Variants in RGS7 observed in about 807,000 individuals in gnomAD.
The protein encoded by RGS7 is regulator of G protein signaling 7, also known as regulator of G-protein signaling 7.
A neutral mutation model predicts 81.1 loss-of-function variants in RGS7; 27 were observed. The observed-to-expected ratio is 0.33, with a 90% CI of 0.25 to 0.46. The LOEUF (loss-of-function observed/expected upper bound fraction) is 0.46, where lower values mean the gene tolerates loss of function less well. Among genes scored for constraint, RGS7 ranks in the 20% least tolerant of loss-of-function variants. RGS7 has a pLI of 1.00. For synonymous variants in RGS7, 208 were observed against 207.7 expected, an observed-to-expected ratio of 1.00 and a Z score of -0.01; for missense variants, 396 against 607.4, an observed-to-expected ratio of 0.65 and a Z score of 3.66.
chr1:240,800,829 A>G lies in RGS7; in HGVS notation c.1414-108T>C, dbSNP rs147756997. 1.8e-3 allele frequency: 1,002 copies of G among 549,716 alleles called. 24 individuals are homozygous for G. The South Asian group carries it at 0.022, about 12-fold the overall frequency. 34.1% of individuals were successfully genotyped at this position (549,716 alleles called of 1,614,324 possible). On this transcript the variant is annotated intron_variant, in intron 17 of 18. Transcript: ENST00000440928. The stretch of plus-strand genomic sequence containing the variant: ...AAAAGAATCTTACAAACAAATATAT[A>G]TCATCAAAACACATGGCAAGATACT...
intron 9 of RGS7, among the ~76,000 whole-genome samples, chr1:240,856,507 T>C (rs1027235719): frequency 6.6e-6 from 1 of 152,134 alleles, no homozygotes; most frequent in Non-Finnish European, 1.5e-5. Context: ...ATCAAAGAAA[T>C]GTACCACTTT....
intron 2 of RGS7, among the ~76,000 whole-genome samples, chr1:241,205,302 G>A (rs1043317308): frequency 2.0e-5 from 3 of 148,964 alleles, no homozygotes; most frequent in East Asian, 2.0e-4. Context: ...GGATGGTCTC[G>A]ATCTCTTGAC....
In RGS7 at chr1:241,344,894, G is replaced by C. The variant is rs374136274; in HGVS notation, c.78+10805C>G. Among the ~76,000 whole-genome samples the C allele has an allele frequency of 1.5e-3, 231 of 152,276 alleles. 2 individuals carry two copies. The highest frequency in any genetic ancestry group is 3.4e-3 in the Middle Eastern group (1 of 294). On this transcript the variant is annotated intron_variant, in intron 2 of 18. Transcript: ENST00000440928. Reference sequence around the variant, plus strand: ...ACTGTGCTAGGCACTCAGATTCGCAGAGGAATATAAATTATTCGATTATGA... The same window carrying C: ...ACTGTGCTAGGCACTCAGATTCGCACAGGAATATAAATTATTCGATTATGA...
intron 3 of RGS7, among the ~76,000 whole-genome samples, chr1:241,085,385 T>A (rs188101785): frequency 5.3e-5 from 8 of 152,234 alleles, no homozygotes; most frequent in African/African-American, 1.7e-4. Flanking sequence ...GGTTTTAAGC[T>A]TGTACATCAT....
chr1:240,806,460 G>C lies in RGS7; in HGVS notation c.1083-134C>G, dbSNP rs888361780. ...TTTCTCTGAGGGCTTCCAGTATCAG[G>C]GTGGTACTGACTGTGTTCAAAGGAT... is the stretch of plus-strand genomic sequence containing the variant. On this transcript the variant is annotated intron_variant, in intron 14 of 18. Transcript: ENST00000440928. The C allele has an allele frequency of 4.3e-5, 33 of 771,898 alleles. No homozygotes were observed. The African/African-American group carries it at 5.0e-4, about 12-fold the overall frequency. The allele number at this position is 771,898 out of a possible 1,614,324, so 47.8% of individuals were successfully genotyped here. A position where few individuals can be genotyped will look rare whatever the true frequency, so the allele number is the denominator to read the frequency against.
chr1:241,011,012 G>A (rs192915031), intron 3 of RGS7, among the ~76,000 whole-genome samples: 42 of 152,192 alleles, frequency 2.8e-4, no homozygotes, highest in South Asian at 1.2e-3. Context: ...CTCTAACCAA[G>A]ACTATATGTG....
intron 3 of RGS7, among the ~76,000 whole-genome samples, chr1:241,008,252 A>G (rs1305342222): frequency 6.6e-6 from 1 of 152,218 alleles, no homozygotes; most frequent in African/African-American, 2.4e-5. Context: ...AAGAGTTTCT[A>G]TATATAGCAA....
At chr1:241,356,398 C>CT (rs1313403666) in intron 1 of RGS7, among the ~76,000 whole-genome samples, 1 of 152,218 alleles carries the variant, frequency 6.6e-6, no homozygotes, top group Non-Finnish European at 1.5e-5. Context: ...CTACTTTCAC[C>CT]TGCCTGCGCT....
chr1:241,120,209 C>T (rs1053277390), intron 2 of RGS7, among the ~76,000 whole-genome samples: 1 of 152,192 alleles, frequency 6.6e-6, no homozygotes, highest in Admixed American at 6.5e-5. Context: ...GCATTGCCTG[C>T]CTACCTGGTT....
intron 2 of RGS7, among the ~76,000 whole-genome samples, chr1:241,134,987 A>G (rs1290332368): frequency 2.7e-5 from 4 of 150,568 alleles, no homozygotes; most frequent in Non-Finnish European, 4.4e-5. Context: ...GAAGATGGAG[A>G]AGGAGGCCGT....
intron 2 of RGS7, among the ~76,000 whole-genome samples, chr1:241,171,499 T>C (rs933607630): frequency 9.9e-5 from 15 of 152,234 alleles, no homozygotes; most frequent in Non-Finnish European, 1.9e-4. Flanking sequence ...TGAGCATTCA[T>C]ATGACCCACG....
intron 2 of RGS7, among the ~76,000 whole-genome samples, chr1:241,118,416 C>T (rs2066018718): frequency 6.6e-6 from 1 of 152,182 alleles, no homozygotes; most frequent in Non-Finnish European, 1.5e-5. Context: ...CAACTTTACA[C>T]TTTTAAAAAT....
chr1:241,273,926 C>T (rs2078057863), intron 2 of RGS7, among the ~76,000 whole-genome samples: 1 of 152,100 alleles, frequency 6.6e-6, no homozygotes, highest in Admixed American at 6.5e-5. Context: ...GTCTGGAGCT[C>T]CTTGAGATTC....
In RGS7 at chr1:240,806,286, T is replaced by C; in HGVS notation, c.1123A>G (p.Lys375Glu). 1.2e-6 allele frequency: 2 copies of C among 1,614,002 alleles called. No homozygotes were observed. Among genetic ancestry groups the C allele is most frequent in the African/African-American group, 1.3e-5 (1 of 75,000 alleles). ...AVEDLKKRPI[K>E]EVPSRVQEIW... ...TCCTGAACTCTTGAGGGTACTTCTT[T>C]AATAGGCCTCTTTTTCAGGTCCTCC... Residue 375 changes from lysine (K) to glutamate (E), a missense_variant, in exon 15 of 19, where the codon AAA (lysine) becomes GAA (glutamate). Lys to Glu is a moderately conservative substitution (Grantham distance 56). Transcript: ENST00000440928.
rs1215517738 is a variant in RGS7 at position 241,163,086 on chromosome 1, C to G, written c.79-64324G>C. ...CAGATATGAGCAGTGTCAGATTAAG[C>G]AGAGACAGGCTCCGTGGCCAGGAAG... On this transcript the variant is annotated intron_variant, in intron 2 of 18. Coordinates refer to ENST00000440928, the MANE Select transcript of RGS7 (RefSeq NM_001364886.1). The surrounding 1 kb of genome is among the most constrained non-coding windows in gnomAD (Gnocchi z 4.6). Among the ~76,000 whole-genome samples the G allele has an allele frequency of 6.6e-6, 1 of 152,146 alleles. No individual in the cohort carries two copies. The highest frequency in any genetic ancestry group is 6.5e-5 in the Admixed American group (1 of 15,276).
At chr1:241,215,733 C>T (rs2074510253) in intron 2 of RGS7, among the ~76,000 whole-genome samples, 2 of 152,148 alleles carry the variant, frequency 1.3e-5, no homozygotes, top group South Asian at 4.1e-4. Flanking sequence ...AATGTCATTC[C>T]CTTGTTTGAA....
intron 2 of RGS7, among the ~76,000 whole-genome samples, chr1:241,306,878 A>G (rs1266993946): frequency 3.9e-5 from 6 of 152,218 alleles, no homozygotes; most frequent in Non-Finnish European, 8.8e-5. Flanking sequence ...TTGGAACAGA[A>G]GCGGTTAACT....
intron 2 of RGS7, among the ~76,000 whole-genome samples, chr1:241,343,261 C>CAAA (rs35447784): frequency 3.7e-5 from 5 of 136,704 alleles, no homozygotes; most frequent in African/African-American, 8.2e-5. Context: ...GACTGTGTCT[C>CAAA]AAAAAAAAAA....
At chr1:241,099,366 A>AC (rs1214176219) in intron 2 of RGS7, among the ~76,000 whole-genome samples, 1 of 152,058 alleles carries the variant, frequency 6.6e-6, no homozygotes, top group Non-Finnish European at 1.5e-5. Flanking sequence ...CATACACTCC[A>AC]CACATGCACA....
Sources: gnomAD v4.1 joint callset for allele counts (sites outside exome capture counted in the v4.1 genomes callset) on GRCh38, gnomAD v4.1.1 for gene constraint, Gnocchi (gnomAD v3.1) non-coding constraint, MANE v1.5 for transcripts, NCBI Gene and HGNC (gene_info 2026-07-23, HGNC 2026-07-21) for gene names.